The following GPC5 variants were observed in gnomAD, a reference collection of about 807,000 sequenced individuals.
GPC5 encodes the protein glypican 5.
GPC5 carries 47 observed loss-of-function variants against 53.9 expected under a neutral mutation model. That is an observed-to-expected ratio of 0.87 (90% CI 0.69 to 1.11). The LOEUF (loss-of-function observed/expected upper bound fraction) is 1.11. Among genes scored for constraint, GPC5 ranks in the 50% most tolerant of loss-of-function variants. The probability of loss-of-function intolerance (pLI) is 0.00; values close to 1 mark genes in which losing one functional copy is unlikely to be tolerated. For missense variants in GPC5, 748 were observed against 713.1 expected, an observed-to-expected ratio of 1.05 and a Z score of -0.56; for synonymous variants, 286 against 263.3, an observed-to-expected ratio of 1.09 and a Z score of -0.84.
intron 5 of GPC5, among the ~76,000 whole-genome samples, chr13:91,793,864 A>G (rs138152862): frequency 6.6e-6 from 1 of 152,176 alleles, no homozygotes; most frequent in African/African-American, 2.4e-5. Flanking sequence ...TATGGGGGAA[A>G]CCACCCCCAT....
At chr13:92,382,103 A>G (rs1276158019) in intron 7 of GPC5, among the ~76,000 whole-genome samples, 4 of 151,588 alleles carry the variant, frequency 2.6e-5, no homozygotes, top group African/African-American at 9.7e-5. Context: ...TTCTAAATGA[A>G]GTAACTCAGG....
At chr13:92,705,732 T>TTTAAACTTCTATC (rs1438377185) in intron 7 of GPC5, among the ~76,000 whole-genome samples, 1 of 152,136 alleles carries the variant, frequency 6.6e-6, no homozygotes, top group African/African-American at 2.4e-5. Context: ...AAAGTTATTT[T>TTTAAACTTCTATC]TTAAACTTCT....
intron 7 of GPC5, among the ~76,000 whole-genome samples, chr13:92,718,125 T>C (rs1176010381): frequency 1.3e-5 from 2 of 152,200 alleles, no homozygotes. Context: ...GCACAGCTAC[T>C]ATGGAAAACA....
intron 7 of GPC5, among the ~76,000 whole-genome samples, chr13:92,840,078 C>CATATATATATATATAT (rs4001881): frequency 1.2e-4 from 12 of 98,982 alleles, no homozygotes; most frequent in Non-Finnish European, 1.8e-4. Context: ...TATATACATA[C>CATATATATATATATAT]ATATATATAT....
rs1029997522 is a variant in GPC5 at position 92,526,414 on chromosome 13, A to G, written c.1562-339868A>G. 1.5e-4 allele frequency among the ~76,000 whole-genome samples: 23 copies of G among 152,100 alleles called. 1 individual carries two copies. The highest frequency in any genetic ancestry group is 4.4e-5 in the Non-Finnish European group (3 of 67,998). On this transcript the variant is annotated intron_variant, in intron 7 of 7. Coordinates refer to ENST00000377067, the MANE Select transcript of GPC5 (RefSeq NM_004466.6). ...CCCCAACTCCAAAAGGAATTTTGAC[A>G]TATTTGAAAAACAGAAATAAGTCCA...
At chr13:91,620,928 A>G (rs914139837) in intron 2 of GPC5, among the ~76,000 whole-genome samples, 34 of 152,260 alleles carry the variant, frequency 2.2e-4, no homozygotes, top group African/African-American at 8.2e-4. Flanking sequence ...GAATTTTGTG[A>G]TAATAAAATG....
chr13:92,759,174 A>T (rs919121201), intron 7 of GPC5, among the ~76,000 whole-genome samples: 1 of 150,760 alleles, frequency 6.6e-6, no homozygotes, highest in Admixed American at 6.6e-5. Context: ...ATAATTTTAA[A>T]TCAGTAAGGG....
chr13:92,335,241 G>A (rs2043314164), intron 7 of GPC5, among the ~76,000 whole-genome samples: 1 of 150,852 alleles, frequency 6.6e-6, no homozygotes, highest in Admixed American at 6.6e-5. Context: ...CTGTATACCT[G>A]CGAGACCCAC....
chr13:92,186,342 T>C (rs563452472), intron 7 of GPC5, among the ~76,000 whole-genome samples: 1 of 152,114 alleles, frequency 6.6e-6, no homozygotes, highest in East Asian at 1.9e-4. Flanking sequence ...TGTATCATAA[T>C]TATCATTGGA....
chr13:91,612,220 G>A (rs1352508073), intron 2 of GPC5, among the ~76,000 whole-genome samples: 1 of 152,162 alleles, frequency 6.6e-6, no homozygotes, highest in Non-Finnish European at 1.5e-5. Flanking sequence ...TTCCCCAGGT[G>A]ACTGTGATAA....
At chr13:91,933,215 T>C (rs1312074111) in intron 6 of GPC5, among the ~76,000 whole-genome samples, 1 of 151,964 alleles carries the variant, frequency 6.6e-6, no homozygotes, top group Non-Finnish European at 1.5e-5. Context: ...CATTTCATTA[T>C]GTGCTTCTTT....
At chr13:92,605,168 T>C (rs2139086670) in intron 7 of GPC5, among the ~76,000 whole-genome samples, 1 of 152,324 alleles carries the variant, frequency 6.6e-6, no homozygotes, top group East Asian at 1.9e-4. Flanking sequence ...GAAGAAACAA[T>C]TAATTGCCTA....
chr13:92,172,730 A>T (rs1024865527), intron 7 of GPC5, among the ~76,000 whole-genome samples: 2 of 151,932 alleles, frequency 1.3e-5, no homozygotes. Flanking sequence ...ATACTCTCCT[A>T]TATGTTGTTT....
intron 7 of GPC5, among the ~76,000 whole-genome samples, chr13:92,218,120 G>A (rs530174511): frequency 1.8e-4 from 28 of 151,828 alleles, no homozygotes; most frequent in South Asian, 6.2e-4. Context: ...TAGAGATGGC[G>A]TCTTGCTATG....
chr13:91,893,319 CA>C (rs1156484149), intron 5 of GPC5, among the ~76,000 whole-genome samples: 2 of 151,920 alleles, frequency 1.3e-5, no homozygotes, highest in African/African-American at 4.8e-5. Flanking sequence ...TTTATTTCTT[CA>C]CCAAATGTAA....
intron 7 of GPC5, among the ~76,000 whole-genome samples, chr13:92,450,453 A>G (rs371705713): frequency 2.7e-4 from 41 of 152,268 alleles, no homozygotes; most frequent in African/African-American, 9.9e-4. Context: ...TCATCACATG[A>G]GGTCAGGTGT....
At chr13:91,636,185 T>C (rs572400876) in intron 2 of GPC5, among the ~76,000 whole-genome samples, 2 of 152,134 alleles carry the variant, frequency 1.3e-5, no homozygotes, top group Non-Finnish European at 2.9e-5. Context: ...AAAATTGCAA[T>C]GTGAATGATA....
intron 2 of GPC5, among the ~76,000 whole-genome samples, chr13:91,615,156 G>T (rs147755675): frequency 1.2e-4 from 18 of 152,246 alleles, no homozygotes; most frequent in South Asian, 4.1e-4. Context: ...TAAGATAAAG[G>T]TTCAGTACAG....
At chr13:92,866,209 T>A in intron 7 of GPC5, 73 bp from the exon 8 acceptor site, 1 of 1,343,186 alleles carries the variant, frequency 7.4e-7, no homozygotes, top group Non-Finnish European at 1.0e-6. Context: ...ACACTTTGAG[T>A]TTAAGAGTTG....
Sources: allele counts gnomAD v4.1 joint callset (sites outside exome capture counted in the v4.1 genomes callset), GRCh38; gene constraint gnomAD v4.1.1; transcripts MANE v1.5; gene names NCBI Gene and HGNC (gene_info 2026-07-23, HGNC 2026-07-21).